Variants in NAA16 observed in about 807,000 individuals in gnomAD.
NAA16 encodes NARG1-like protein.
NAA16 carries 97 observed loss-of-function variants against 110.3 expected under a neutral mutation model. The observed-to-expected ratio is 0.88, with a 90% CI of 0.75 to 1.04. The LOEUF (loss-of-function observed/expected upper bound fraction) is 1.04. NAA16 is among the 50% of genes least tolerant of loss of function. The probability of loss-of-function intolerance (pLI) is 0.00; values close to 1 mark genes in which losing one functional copy is unlikely to be tolerated. For missense variants in NAA16, 1,017 were observed against 1,005.1 expected (o/e 1.01, Z -0.16); for synonymous variants, 372 against 330.6 (o/e 1.13, Z -1.36).
chr13:41,319,001 G>A (rs759636335), intron 3 of NAA16, 91 bp downstream of exon 3: 71 of 582,298 alleles, frequency 1.2e-4, no homozygotes, highest in Non-Finnish European at 1.8e-4. Flanking sequence ...CCAAACCTAC[G>A]TAGAAGAGAG....
Position 41,323,046 on chromosome 13 carries a change from T to C in NAA16, c.403-10T>C, listed in dbSNP as rs539053869. Reference sequence around the variant, plus strand: ...AGAGAATATTTAGCAAGTTAAAACTTTTTTTTTAGGAGACAAGATACCAGC... The same window carrying C: ...AGAGAATATTTAGCAAGTTAAAACTCTTTTTTTAGGAGACAAGATACCAGC... On this transcript the variant is annotated splice_polypyrimidine_tract_variant and intron_variant, in intron 4 of 19. Transcript: ENST00000379406. 3 of 1,612,056 alleles carry C rather than the reference T, an allele frequency of 1.9e-6. No individual in the cohort carries two copies. The highest frequency in any genetic ancestry group is 2.2e-5 in the East Asian group (1 of 44,862).
intron 13 of NAA16, chr13:41,362,998 A>C (rs1416415490): frequency 2.0e-5 from 12 of 613,448 alleles, no homozygotes; most frequent in Non-Finnish European, 2.5e-5. Context: ...AACTAGAATT[A>C]TACCCAAGCA....
chr13:41,369,415 C>A (rs2043272165), intron 15 of NAA16, 132 bp downstream of exon 15: 6 of 937,012 alleles, frequency 6.4e-6, no homozygotes, highest in Non-Finnish European at 9.0e-6. Context: ...TAATAGCCGT[C>A]AATTATCTTT....
chr13:41,348,430 T>C (rs747297230), intron 9 of NAA16, among the ~76,000 whole-genome samples: 2 of 152,162 alleles, frequency 1.3e-5, no homozygotes, highest in Non-Finnish European at 2.9e-5. Context: ...TTCAAAGTGC[T>C]GGGATTACAG....
At chr13:41,367,200 T>C (rs1209841869) in intron 13 of NAA16, among the ~76,000 whole-genome samples, 1 of 152,128 alleles carries the variant, frequency 6.6e-6, no homozygotes, top group Non-Finnish European at 1.5e-5. Context: ...TATATAGAAG[T>C]TGAGTATCAT....
chr13:41,340,914 G>T (rs1051254950), intron 9 of NAA16, among the ~76,000 whole-genome samples: 1 of 151,888 alleles, frequency 6.6e-6, no homozygotes, highest in Non-Finnish European at 1.5e-5. Flanking sequence ...TGATACACCC[G>T]CCTCGGCCTC....
chr13:41,361,203 G>A (rs2043105728), intron 12 of NAA16, among the ~76,000 whole-genome samples: 1 of 152,120 alleles, frequency 6.6e-6, no homozygotes, highest in Non-Finnish European at 1.5e-5. Context: ...TATTGAGCCT[G>A]AATTAACAAA....
At chr13:41,362,772 A>G (rs1186294909) in intron 13 of NAA16, 15 of 1,289,766 alleles carry the variant, frequency 1.2e-5, no homozygotes, top group Non-Finnish European at 1.5e-5. Flanking sequence ...AAGAGCCGCA[A>G]ATGCACCCCT....
intron 10 of NAA16, among the ~76,000 whole-genome samples, chr13:41,355,965 A>G (rs191588838): frequency 2.4e-3 from 371 of 152,318 alleles, no homozygotes; most frequent in Non-Finnish European, 4.3e-3. Context: ...GTCATGCACA[A>G]AGTAACTTCC....
At chr13:41,347,240 C>A (rs201709161) in intron 9 of NAA16, among the ~76,000 whole-genome samples, 5,755 of 102,244 alleles carry the variant, frequency 0.056, 236 homozygotes, top group South Asian at 0.11. Flanking sequence ...AAAACAAAAA[C>A]AAAAAAAGAA....
chr13:41,335,736 A>G (rs779240096), intron 8 of NAA16, among the ~76,000 whole-genome samples: 1 of 152,236 alleles, frequency 6.6e-6, no homozygotes, highest in Non-Finnish European at 1.5e-5. Flanking sequence ...CATAGTCACA[A>G]CAAATAAAAA....
chr13:41,343,761 G>A (rs1006345541), intron 9 of NAA16, among the ~76,000 whole-genome samples: 2 of 151,992 alleles, frequency 1.3e-5, no homozygotes, highest in African/African-American at 2.4e-5. Context: ...GGCTGGTCTC[G>A]AACTCCTGAG....
intron 9 of NAA16, among the ~76,000 whole-genome samples, chr13:41,339,427 C>T (rs1180635576): frequency 6.6e-6 from 1 of 152,186 alleles, no homozygotes; most frequent in Non-Finnish European, 1.5e-5. Context: ...GCGTGAGCCA[C>T]CGCGCCTGGC....
rs1005669748 is a variant in NAA16 at position 41,376,802 on chromosome 13, A to C, written c.*1200A>C. The stretch of plus-strand genomic sequence containing the variant: ...GATAGCTTTTTGTTCTATCTTGTAC[A>C]GAAAACAGTAATGGAATCACTCATG... On this transcript the variant is annotated 3_prime_UTR_variant, in exon 20 of 20. Coordinates refer to ENST00000379406, the MANE Select transcript of NAA16 (RefSeq NM_024561.5). The C allele has an allele frequency of 3.9e-5, 6 of 152,214 alleles. No individual in the cohort carries two copies. Among genetic ancestry groups the C allele is most frequent in the African/African-American group, 1.4e-4 (6 of 41,456 alleles). 9.4% of individuals were successfully genotyped at this position (152,214 alleles called of 1,614,324 possible).
intron 1 of NAA16, among the ~76,000 whole-genome samples, chr13:41,313,268 C>T (rs1234716915): frequency 6.6e-6 from 1 of 152,124 alleles, no homozygotes; most frequent in Non-Finnish European, 1.5e-5. Context: ...GTTTGTTGGC[C>T]AGGCTACTGT....
At chr13:41,334,085 A>G (rs1327632553) in intron 8 of NAA16, among the ~76,000 whole-genome samples, 1 of 152,184 alleles carries the variant, frequency 6.6e-6, no homozygotes, top group Non-Finnish European at 1.5e-5. Context: ...GCAAAGCCGA[A>G]TATTTCATGA....
At position 41,318,921 on chromosome 13, in the gene NAA16, G is replaced by C. The variant is rs2041876556; in HGVS notation, c.244+11G>C. 6.7e-7 allele frequency: 1 copy of C among 1,492,866 alleles called. No homozygotes were observed. Among genetic ancestry groups the C allele is most frequent in the Admixed American group, 2.1e-5 (1 of 47,654 alleles). The allele number at this position is 1,492,866 out of a possible 1,614,324, so 92.5% of individuals were successfully genotyped here. ...TCAAGAGTCATGTCTGTATCCTTTTGCAGTAGTTAAATAGTTTATGTTTTA... is the reference window on the plus strand; with the variant it reads ...TCAAGAGTCATGTCTGTATCCTTTTCCAGTAGTTAAATAGTTTATGTTTTA... On this transcript the variant is annotated intron_variant, in intron 3 of 19. Coordinates refer to ENST00000379406, the MANE Select transcript of NAA16 (RefSeq NM_024561.5).
chr13:41,370,702 C>T (rs1038660114), intron 15 of NAA16, among the ~76,000 whole-genome samples: 2 of 152,128 alleles, frequency 1.3e-5, no homozygotes, highest in East Asian at 1.9e-4. Flanking sequence ...CCTGGCCATC[C>T]GGAACCTCAT....
chr13:41,325,665 T>C lies in NAA16; in HGVS notation c.538-33T>C, dbSNP rs371851478. ...GGTCTGTAACTGCTTTATATAATTATACAAATAAAGTAATTTGGTCATTTT... is the reference window on the plus strand; with the variant it reads ...GGTCTGTAACTGCTTTATATAATTACACAAATAAAGTAATTTGGTCATTTT... On this transcript the variant is annotated intron_variant, in intron 5 of 19. Transcript: ENST00000379406. The C allele has an allele frequency of 8.3e-6, 12 of 1,445,460 alleles. No homozygotes were observed. The African/African-American group carries it at 1.4e-4, about 17-fold the overall frequency. The allele number at this position is 1,445,460 out of a possible 1,614,324, so 89.5% of individuals were successfully genotyped here.
Sources: allele counts gnomAD v4.1 joint callset (sites outside exome capture counted in the v4.1 genomes callset), GRCh38; gene constraint gnomAD v4.1.1; transcripts MANE v1.5; gene names NCBI Gene and HGNC (gene_info 2026-07-23, HGNC 2026-07-21).